The following ZCWPW2 variants were observed in gnomAD, a reference collection of about 807,000 sequenced individuals.
ZCWPW2 encodes the protein zinc finger CW-type PWWP domain protein 2.
Under a neutral mutation model 46.6 loss-of-function variants are expected in ZCWPW2, and 45 were observed. The observed-to-expected ratio is 0.96, with a 90% CI of 0.76 to 1.24. ZCWPW2 has a LOEUF of 1.24. Among genes scored for constraint, ZCWPW2 ranks in the 50% most tolerant of loss-of-function variants. The pLI, the probability that ZCWPW2 is intolerant of heterozygous loss-of-function variation, is 0.00. For synonymous variants in ZCWPW2, 152 were observed against 137.1 expected, an observed-to-expected ratio of 1.11 and a Z score of -0.76; for missense variants, 429 against 403.9, an observed-to-expected ratio of 1.06 and a Z score of -0.53.
At chr3:28,385,178 T>A (rs1575073908) in intron 1 of ZCWPW2, among the ~76,000 whole-genome samples, 1 of 152,200 alleles carries the variant, frequency 6.6e-6, no homozygotes, top group East Asian at 1.9e-4. Context: ...AGTCAAGACC[T>A]GCACATATCA....
chr3:28,441,410 C>G (rs947731749), intron 4 of ZCWPW2, among the ~76,000 whole-genome samples: 1 of 152,172 alleles, frequency 6.6e-6, no homozygotes, highest in Non-Finnish European at 1.5e-5. Context: ...ATGCAAAGTG[C>G]ACAACCAGGT....
Position 28,526,307 on chromosome 3 carries a change from T to C in ZCWPW2, c.*1619T>C, listed in dbSNP as rs991759991. Reference sequence around the variant, plus strand: ...GTTATATCATTTAATCTACTACTCATCAATATCAGAGTTCTTTCTTTCTCA... The same window carrying C: ...GTTATATCATTTAATCTACTACTCACCAATATCAGAGTTCTTTCTTTCTCA... On this transcript the variant is annotated 3_prime_UTR_variant, in exon 10 of 10. Transcript: ENST00000383768. Among the ~76,000 whole-genome samples, 1 of 152,192 alleles carries C rather than the reference T, an allele frequency of 6.6e-6. No individual in the cohort carries two copies. The highest frequency in any genetic ancestry group is 2.4e-5 in the African/African-American group (1 of 41,460).
intron 3 of ZCWPW2, among the ~76,000 whole-genome samples, chr3:28,423,344 T>C (rs1243610684): frequency 1.3e-5 from 2 of 151,520 alleles, no homozygotes; most frequent in African/African-American, 2.4e-5. Flanking sequence ...CCCAGCAGTT[T>C]CTCATCCTGT....
intron 1 of ZCWPW2, among the ~76,000 whole-genome samples, chr3:28,375,471 G>A (rs192552405): frequency 5.3e-5 from 8 of 151,850 alleles, no homozygotes; most frequent in Admixed American, 3.9e-4. Flanking sequence ...ATTCTCTCTG[G>A]TAGTATGTTT....
intron 2 of ZCWPW2, among the ~76,000 whole-genome samples, chr3:28,412,200 C>T (rs1045888072): frequency 3.3e-5 from 5 of 151,428 alleles, no homozygotes; most frequent in Non-Finnish European, 4.4e-5. Context: ...ATAATTAGTT[C>T]TACTTGTATT....
chr3:28,400,633 C>A (rs531751710), intron 2 of ZCWPW2, among the ~76,000 whole-genome samples: 1 of 152,310 alleles, frequency 6.6e-6, no homozygotes, highest in East Asian at 1.9e-4. Context: ...GGGGCCCTAT[C>A]TTCAGCCTCC....
At chr3:28,445,931 A>G (rs1437919110) in intron 4 of ZCWPW2, among the ~76,000 whole-genome samples, 2 of 152,206 alleles carry the variant, frequency 1.3e-5, no homozygotes, top group African/African-American at 4.8e-5. Flanking sequence ...ACAAGAAACA[A>G]AAGAAAGATA....
chr3:28,393,603 A>G (rs11924173), intron 2 of ZCWPW2, among the ~76,000 whole-genome samples: 45,656 of 152,048 alleles, frequency 0.3, 7,134 homozygotes, highest in African/African-American at 0.35. Flanking sequence ...GATCAAATGA[A>G]ATTTATCTTT....
intron 2 of ZCWPW2, among the ~76,000 whole-genome samples, chr3:28,400,886 A>C (rs1481830470): frequency 2.0e-5 from 3 of 152,196 alleles, no homozygotes; most frequent in Admixed American, 6.5e-5. Context: ...TACAGCTTAA[A>C]AAAACAAAGA....
chr3:28,401,848 T>C (rs1438986742), intron 2 of ZCWPW2, among the ~76,000 whole-genome samples: 10 of 152,010 alleles, frequency 6.6e-5, no homozygotes, highest in Non-Finnish European at 2.9e-5. Context: ...GAAATCAAGA[T>C]GGAAATTTAA....
rs1443587298 is a variant in ZCWPW2, at chr3:28,413,279, T to G, written c.211T>G (p.Cys71Gly). 6.2e-7 allele frequency: 1 copy of G among 1,613,240 alleles called. No individual in the cohort carries two copies. The highest frequency in any genetic ancestry group is 1.3e-5 in the African/African-American group (1 of 74,882). The change falls in exon 3 of 10, where the codon TGC (cysteine) becomes GGC (glycine). Residue 71 changes from cysteine (C) to glycine (G), a missense_variant. Coordinates refer to ENST00000383768, the MANE Select transcript of ZCWPW2 (RefSeq NM_001040432.4). Reference protein sequence around the residue: ...FMNTDSRYNNCSISEEDFPEE... With the variant: ...FMNTDSRYNNGSISEEDFPEE... ...GAACACTGATTCAAGATATAATAAC[T>G]GCTCAATTTCTGAAGAAGACTTCCC...
chr3:28,500,111 T>G (rs1700101147), intron 6 of ZCWPW2, among the ~76,000 whole-genome samples: 3 of 152,090 alleles, frequency 2.0e-5, no homozygotes, highest in Admixed American at 2.0e-4. Context: ...GAATTGTTTT[T>G]TTAAGGACAA....
intron 1 of ZCWPW2, among the ~76,000 whole-genome samples, chr3:28,366,050 C>G (rs983411114): frequency 6.6e-6 from 1 of 151,946 alleles, no homozygotes; most frequent in Non-Finnish European, 1.5e-5. Flanking sequence ...TGGGCTGAGA[C>G]GATGGGGTTT....
intron 4 of ZCWPW2, among the ~76,000 whole-genome samples, chr3:28,440,112 A>G (rs1038751307): frequency 6.6e-6 from 1 of 151,964 alleles, no homozygotes; most frequent in Admixed American, 6.6e-5. Flanking sequence ...ACTAAGACAA[A>G]CTCTCATAGA....
At position 28,360,640 on chromosome 3, in the gene ZCWPW2, C is replaced by T. The variant is rs117691885; in HGVS notation, c.-134+11437C>T. Among the ~76,000 whole-genome samples, 234 of 151,552 alleles carry T rather than the reference C, an allele frequency of 1.5e-3. 1 individual carries two copies. The highest frequency in any genetic ancestry group is 0.015 in the East Asian group (76 of 5,174). On this transcript the variant is annotated intron_variant, in intron 1 of 9. Transcript: ENST00000383768. ...AAAGTAGATTTTAATATACATCCCT[C>T]AGTAACTGATAGAATTAAACAGGAA...
At chr3:28,401,238 G>C (rs13082167) in intron 2 of ZCWPW2, among the ~76,000 whole-genome samples, 1 of 151,650 alleles carries the variant, frequency 6.6e-6, no homozygotes, top group Non-Finnish European at 1.5e-5. Flanking sequence ...ACAGGTAACA[G>C]ATAGAAAGAT....
intron 2 of ZCWPW2, among the ~76,000 whole-genome samples, chr3:28,402,776 A>T (rs1696000295): frequency 6.6e-6 from 1 of 152,232 alleles, no homozygotes. Context: ...TATACCACAT[A>T]AACAGAATTA....
At chr3:28,496,263 T>C (rs1009158267) in intron 6 of ZCWPW2, among the ~76,000 whole-genome samples, 2 of 151,982 alleles carry the variant, frequency 1.3e-5, no homozygotes, top group African/African-American at 4.8e-5. Flanking sequence ...AAACTAAATA[T>C]TACTTACTAA....
Position 28,348,980 on chromosome 3 carries a change from C to G in ZCWPW2, c.-357C>G. ...ATTGGAAGTGTGGATGAGCTCTCAG[C>G]CGGAAAAGGGGCTGCCGCTGTCCGC... On this transcript the variant is annotated 5_prime_UTR_variant, in exon 1 of 10. Transcript: ENST00000383768. 3.0e-6 allele frequency: 3 copies of G among 985,702 alleles called. No individual in the cohort carries two copies. Among genetic ancestry groups the G allele is most frequent in the Non-Finnish European group, 3.6e-6 (3 of 830,168 alleles). The allele number at this position is 985,702 out of a possible 1,614,324, so 61.1% of individuals were successfully genotyped here.
Sources: allele counts gnomAD v4.1 joint callset (sites outside exome capture counted in the v4.1 genomes callset), GRCh38; gene constraint gnomAD v4.1.1; transcripts MANE v1.5; gene names NCBI Gene and HGNC (gene_info 2026-07-23, HGNC 2026-07-21).